Variants in DYNC2H1 observed in about 807,000 individuals in gnomAD.
DYNC2H1 encodes the protein dynein cytoplasmic 2 heavy chain 1.
In DYNC2H1, 410 loss-of-function variants were observed where a neutral mutation model predicts 570.0. The ratio of observed to expected loss-of-function variants is 0.72; its 90% CI spans 0.66 to 0.78. The LOEUF (loss-of-function observed/expected upper bound fraction) is 0.78. DYNC2H1 is among the 30% of genes least tolerant of loss of function. The pLI is 0.00. For synonymous variants in DYNC2H1, 1,688 were observed against 1,677.6 expected, an observed-to-expected ratio of 1.01 and a Z score of -0.15; for missense variants, 4,865 against 5,046.4, an observed-to-expected ratio of 0.96 and a Z score of 1.09.
At chr11:103,306,573 CTT>C (rs779809002) in intron 77 of DYNC2H1, among the ~76,000 whole-genome samples, 2 of 152,054 alleles carry the variant, frequency 1.3e-5, no homozygotes, top group Non-Finnish European at 2.9e-5. Context: ...TTTATATAAA[CTT>C]TACATTTTAA....
intron 87 of DYNC2H1, among the ~76,000 whole-genome samples, chr11:103,467,834 G>A (rs907672624): frequency 6.6e-6 from 1 of 152,182 alleles, no homozygotes; most frequent in African/African-American, 2.4e-5. Flanking sequence ...ACCGCGCCCA[G>A]CCGGCACTGT....
chr11:103,294,416 G>A (rs956072741), intron 75 of DYNC2H1, among the ~76,000 whole-genome samples: 10 of 152,146 alleles, frequency 6.6e-5, no homozygotes, highest in African/African-American at 2.4e-4. Context: ...TTTCACTAAA[G>A]CTGTTTTAGC....
chr11:103,400,043 A>G (rs1040721416), intron 84 of DYNC2H1, among the ~76,000 whole-genome samples, 171 bp downstream of exon 84: 3 of 152,252 alleles, frequency 2.0e-5, no homozygotes, highest in African/African-American at 7.2e-5. Context: ...AATGGTATCT[A>G]GCATTATGCC....
intron 63 of DYNC2H1, among the ~76,000 whole-genome samples, chr11:103,238,099 AGTTGTAG>A: frequency 6.6e-6 from 1 of 152,190 alleles, no homozygotes; most frequent in East Asian, 1.9e-4. Flanking sequence ...ATTTAAAATT[AGTTGTAG>A]TTTAAGGGTG....
chr11:103,272,600 G>T (rs548382508), intron 70 of DYNC2H1, among the ~76,000 whole-genome samples: 69 of 152,188 alleles, frequency 4.5e-4, no homozygotes, highest in South Asian at 8.3e-4. Flanking sequence ...AAATAAAAAA[G>T]AAATTCTAGT....
intron 47 of DYNC2H1, 121 bp from the exon 48 acceptor site, chr11:103,197,812 G>T: frequency 9.0e-7 from 1 of 1,105,400 alleles, no homozygotes; most frequent in Non-Finnish European, 1.3e-6. Flanking sequence ...TTTTGCCTTT[G>T]CCCTTCTGGA....
At chr11:103,357,971 A>G (rs1940433603) in intron 82 of DYNC2H1, among the ~76,000 whole-genome samples, 1 of 152,150 alleles carries the variant, frequency 6.6e-6, no homozygotes, top group South Asian at 2.1e-4. Flanking sequence ...AATAACAACA[A>G]CAAATGAAGC....
chr11:103,163,128 C>A lies in DYNC2H1; in HGVS notation c.4592C>A (p.Pro1531Gln). 1 of 1,611,942 alleles carries A rather than the reference C, an allele frequency of 6.2e-7. No individual in the cohort carries two copies. Among genetic ancestry groups the A allele is most frequent in the African/African-American group, 1.3e-5 (1 of 74,986 alleles). ...TGRSSQGAVD[P>Q]SLFPSQILCL... ...CGAAGTTCTCAAGGTGCAGTTGACC[C>A]ATCTCTGTTCCCTTCACAGGTAAGG... is the stretch of plus-strand genomic sequence containing the variant. Residue 1531 changes from proline to glutamine, a missense_variant, in exon 30 of 89, where the codon CCA becomes CAA. This residue lies in a region of DYNC2H1 where 1,936 missense variants were observed against 1,962.1 expected (regional missense o/e 0.99). Coordinates refer to ENST00000375735, the MANE Select transcript of DYNC2H1 (RefSeq NM_001377.3). This position sits in a 1 kb window ranked among gnomAD's most constrained non-coding sequence, Gnocchi z 4.6.
chr11:103,114,370 GAGT>G, intron 3 of DYNC2H1, 132 bp downstream of exon 3: 1 of 1,070,366 alleles, frequency 9.3e-7, no homozygotes, highest in Non-Finnish European at 1.3e-6. Context: ...TTTAAAAAAT[GAGT>G]AGATTTATGT....
chr11:103,419,162 G>T (rs938705450), intron 84 of DYNC2H1, among the ~76,000 whole-genome samples: 12 of 152,202 alleles, frequency 7.9e-5, no homozygotes, highest in Admixed American at 2.0e-4. Context: ...TGGGGTAGGG[G>T]TGGCGGCCGT....
chr11:103,280,451 T>C lies in DYNC2H1; in HGVS notation c.10761+38T>C, dbSNP rs1203137152. The C allele has an allele frequency of 4.0e-6, 6 of 1,509,482 alleles. No individual in the cohort carries two copies. The highest frequency in any genetic ancestry group is 5.4e-6 in the Non-Finnish European group (6 of 1,109,728). The allele number at this position is 1,509,482 out of a possible 1,614,324, so 93.5% of individuals were successfully genotyped here. ...AAAGGAGAGAAATTTTACAGTAACATAGAAATTTGTTAATGGGTGGATTTA... is the reference window on the plus strand; with the variant it reads ...AAAGGAGAGAAATTTTACAGTAACACAGAAATTTGTTAATGGGTGGATTTA... On this transcript the variant is annotated intron_variant, in intron 71 of 88. Coordinates refer to ENST00000375735, the MANE Select transcript of DYNC2H1 (RefSeq NM_001377.3). This position sits in a 1 kb window ranked among gnomAD's most constrained non-coding sequence, Gnocchi z 4.7.
chr11:103,300,059 G>A (rs1866984930), intron 75 of DYNC2H1, among the ~76,000 whole-genome samples: 1 of 151,890 alleles, frequency 6.6e-6, no homozygotes. Context: ...ATACTTATCA[G>A]CTCTTTGTTA....
chr11:103,231,260 G>A lies in DYNC2H1; in HGVS notation c.9354G>A (p.Ser3118=). Residue 3118 remains serine (S), a splice_region_variant and synonymous_variant, in exon 60 of 89, where the codon TCG becomes TCA. Coordinates refer to ENST00000375735, the MANE Select transcript of DYNC2H1 (RefSeq NM_001377.3). ...PLETEQAGLE[S]NLKKTEDRKR... is the part of the protein sequence containing the mutation. ...TGTATAATATTGAGTTATATTTTAG[G>A]AATCTGAAGAAAACTGAAGACAGAA... is the stretch of plus-strand genomic sequence containing the variant. The A allele has an allele frequency of 6.3e-7, 1 of 1,585,502 alleles. No individual in the cohort carries two copies. Among genetic ancestry groups the A allele is most frequent in the South Asian group, 1.1e-5 (1 of 87,216 alleles).
At position 103,363,385 on chromosome 11, in the gene DYNC2H1, G is replaced by A; in HGVS notation, c.12156+5026G>A. Among the ~76,000 whole-genome samples the A allele has an allele frequency of 6.6e-6, 1 of 152,152 alleles. No individual in the cohort carries two copies. Among genetic ancestry groups the A allele is most frequent in the African/African-American group, 2.4e-5 (1 of 41,482 alleles). The stretch of plus-strand genomic sequence containing the variant: ...TCTACTAGTGTGTTATTTCAACTGA[G>A]AGAGAATGTTTATCCAGCCACTCTA... On this transcript the variant is annotated intron_variant, in intron 83 of 88. Coordinates refer to ENST00000375735, the MANE Select transcript of DYNC2H1 (RefSeq NM_001377.3). This position sits in a 1 kb window ranked among gnomAD's most constrained non-coding sequence, Gnocchi z 5.6.
At chr11:103,272,633 T>C (rs1865756628) in intron 70 of DYNC2H1, among the ~76,000 whole-genome samples, 1 of 152,188 alleles carries the variant, frequency 6.6e-6, no homozygotes, top group South Asian at 2.1e-4. Context: ...ATGCTGAAGT[T>C]ATCTTGCTGA....
chr11:103,271,629 A>G (rs1009691652), intron 70 of DYNC2H1, among the ~76,000 whole-genome samples: 3 of 152,212 alleles, frequency 2.0e-5, no homozygotes, highest in African/African-American at 4.8e-5. Flanking sequence ...ATTATATAGT[A>G]TATCAGTTTA....
At chr11:103,410,887 T>A (rs1275382543) in intron 84 of DYNC2H1, among the ~76,000 whole-genome samples, 1 of 152,202 alleles carries the variant, frequency 6.6e-6, no homozygotes, top group African/African-American at 2.4e-5. Context: ...CATTTATTAC[T>A]AAATATTTAT....
At position 103,116,581 on chromosome 11, in the gene DYNC2H1, C is replaced by T. The variant is rs775013820; in HGVS notation, c.633C>T (p.Asn211=). The T allele has an allele frequency of 1.9e-6, 3 of 1,579,590 alleles. No homozygotes were observed. The highest frequency in any genetic ancestry group is 2.4e-5 in the South Asian group (2 of 83,424). Residue 211 remains asparagine, a synonymous_variant, in exon 5 of 89, where the codon AAC becomes AAT. Transcript: ENST00000375735. ...GCATTTTTTTCTAGGAGTTTTATAA[C>T]TTGGACAGTCTATCCTTACTAGAAG... ...LFETIAREFY[N]LDSLSLLEVV...
chr11:103,354,817 T>A (rs1237893212), intron 82 of DYNC2H1, among the ~76,000 whole-genome samples: 3 of 151,850 alleles, frequency 2.0e-5, no homozygotes, highest in African/African-American at 7.2e-5. Context: ...CTTTTTTTTT[T>A]TTTTTCCTCA....
Sources: gnomAD v4.1 joint callset for allele counts (sites outside exome capture counted in the v4.1 genomes callset) on GRCh38, gnomAD v4.1.1 for gene constraint, gnomAD v4.1.1 regional missense constraint, Gnocchi (gnomAD v3.1) non-coding constraint, MANE v1.5 for transcripts, NCBI Gene and HGNC (gene_info 2026-07-23, HGNC 2026-07-21) for gene names.